AMPD3: variants seen among roughly 807,000 people sequenced by gnomAD.
AMPD3 encodes the protein adenosine monophosphate deaminase 3.
AMPD3 carries 57 observed loss-of-function variants against 82.3 expected under a neutral mutation model. The observed-to-expected ratio is 0.69, with a 90% CI of 0.56 to 0.86. AMPD3 has a LOEUF of 0.86. Ranked by LOEUF, AMPD3 falls within the 40% of genes least tolerant of loss-of-function variation. The pLI, the probability that AMPD3 is intolerant of heterozygous loss-of-function variation, is 0.00. For synonymous variants in AMPD3, 381 were observed against 394.7 expected, an observed-to-expected ratio of 0.97 and a Z score of 0.41; for missense variants, 870 against 1,003.8, an observed-to-expected ratio of 0.87 and a Z score of 1.80.
chr11:10,474,219 G>T (rs1848675251), intron 2 of AMPD3, among the ~76,000 whole-genome samples: 1 of 152,192 alleles, frequency 6.6e-6, no homozygotes, highest in African/African-American at 2.4e-5. Flanking sequence ...TCTACACCCA[G>T]GGCCTGGCAC....
At chr11:10,466,954 GGAAATCTAACAAACA>G (rs1184985000) in intron 2 of AMPD3, among the ~76,000 whole-genome samples, 3 of 152,188 alleles carry the variant, frequency 2.0e-5, no homozygotes, top group Non-Finnish European at 2.9e-5. Flanking sequence ...ATTGTTAGGA[GGAAATCTAACAAACA>G]GAAAGGAATA....
Position 10,505,959 on chromosome 11 carries a change from CG to C in AMPD3, c.*76del. ...CTGTGGCTAATAGTGGTCAAGATTCCGAACTAGGACTTTCCTCTGTGAAGAG... is the reference window on the plus strand; with the variant it reads ...CTGTGGCTAATAGTGGTCAAGATTCCAACTAGGACTTTCCTCTGTGAAGAG... On this transcript the variant is annotated 3_prime_UTR_variant, in exon 15 of 15. Transcript: ENST00000396553. The C allele has an allele frequency of 1.0e-5, 16 of 1,551,436 alleles. No homozygotes were observed. Among genetic ancestry groups the C allele is most frequent in the Non-Finnish European group, 1.3e-5 (15 of 1,128,644 alleles).
chr11:10,477,307 A>G (rs1256063537), intron 2 of AMPD3, among the ~76,000 whole-genome samples: 5 of 152,148 alleles, frequency 3.3e-5, no homozygotes, highest in African/African-American at 1.2e-4. Flanking sequence ...TCAGGAAGCT[A>G]CTGGGCCCAT....
chr11:10,463,673 C>T (rs1240460341), intron 2 of AMPD3, among the ~76,000 whole-genome samples: 4 of 152,208 alleles, frequency 2.6e-5, no homozygotes, highest in Non-Finnish European at 4.4e-5. Flanking sequence ...TCTGCTGAAG[C>T]GACTGTGCTC....
intron 3 of AMPD3, chr11:10,481,461 G>T: frequency 1.0e-6 from 1 of 985,394 alleles, no homozygotes; most frequent in Non-Finnish European, 1.2e-6. Flanking sequence ...TGGGTGTGCA[G>T]GCTGGAGCAC....
At chr11:10,478,118 T>G in intron 2 of AMPD3, 1 of 985,378 alleles carries the variant, frequency 1.0e-6, no homozygotes, top group South Asian at 4.7e-5. Context: ...GACTGAGAGT[T>G]TGTGTTATCT....
intron 2 of AMPD3, among the ~76,000 whole-genome samples, chr11:10,469,130 A>G (rs1028362890): frequency 6.6e-6 from 1 of 152,216 alleles, no homozygotes. Flanking sequence ...GAAGACAAGA[A>G]ATAACTAAGA....
At chr11:10,474,202 C>A (rs985744777) in intron 2 of AMPD3, among the ~76,000 whole-genome samples, 21 of 152,174 alleles carry the variant, frequency 1.4e-4, no homozygotes, top group African/African-American at 4.8e-4. Flanking sequence ...TATATCTTAT[C>A]TACTCCTCTA....
At chr11:10,450,902 C>A, upstream of AMPD3, 1 of 1,238,674 alleles carries the variant, frequency 8.1e-7, no homozygotes, top group Non-Finnish European at 1.0e-6. Context: ...GCGCCTGCTG[C>A]GGGGCGCGGC....
intron 11 of AMPD3, chr11:10,500,931 G>C: frequency 3.0e-6 from 3 of 985,360 alleles, no homozygotes; most frequent in Non-Finnish European, 3.6e-6. Context: ...AGCCTAAACT[G>C]GTGCTAGTTG....
At chr11:10,501,932 C>T (rs1849592317) in intron 12 of AMPD3, 1 of 985,060 alleles carries the variant, frequency 1.0e-6, no homozygotes, top group East Asian at 1.1e-4. Flanking sequence ...CCTGCCTCGT[C>T]CCTTACTGTT....
chr11:10,456,304 C>A lies in AMPD3; in HGVS notation c.-6+856C>A. 1.9e-6 allele frequency: 3 copies of A among 1,603,852 alleles called. No individual in the cohort carries two copies. Among genetic ancestry groups the A allele is most frequent in the East Asian group, 4.5e-5 (2 of 44,644 alleles). On this transcript the variant is annotated intron_variant, in intron 1 of 14. Transcript: ENST00000396553. The surrounding 1 kb of genome is among the most constrained non-coding windows in gnomAD (Gnocchi z 4.3). ...GACAGGACCCAGCCAGCTGCACGCACGCACTGACTCAGCTGAGCCTCCTGG... is the reference window on the plus strand; with the variant it reads ...GACAGGACCCAGCCAGCTGCACGCAAGCACTGACTCAGCTGAGCCTCCTGG...
At chr11:10,468,093 G>A (rs193293225) in intron 2 of AMPD3, among the ~76,000 whole-genome samples, 3 of 152,280 alleles carry the variant, frequency 2.0e-5, no homozygotes, top group East Asian at 1.9e-4. Flanking sequence ...TCAACACTTC[G>A]AAGAAACTGC....
intron 13 of AMPD3, chr11:10,504,073 A>ATTT: frequency 1.2e-6 from 1 of 837,302 alleles, no homozygotes; most frequent in Non-Finnish European, 1.4e-6. Context: ...ATCACTTCTC[A>ATTT]TTTTTTTTTT....
At chr11:10,451,625 C>G (rs1591430698), upstream of AMPD3, among the ~76,000 whole-genome samples, 1 of 152,158 alleles carries the variant, frequency 6.6e-6, no homozygotes, top group South Asian at 2.1e-4. Flanking sequence ...TTTTGAGAGG[C>G]CTTGGAGTAG....
At chr11:10,505,280 G>T (rs1591490510) in intron 14 of AMPD3, 1 of 590,314 alleles carries the variant, frequency 1.7e-6, no homozygotes, top group South Asian at 6.5e-5. Context: ...CTCGTCGGAT[G>T]ATGATGCAGC....
At chr11:10,484,383 C>T in intron 4 of AMPD3, 6 of 985,400 alleles carry the variant, frequency 6.1e-6, no homozygotes, top group Non-Finnish European at 7.2e-6. Flanking sequence ...GTTATTCCCA[C>T]TGGGCAGTCC....
chr11:10,500,685 A>G (rs1266489510), intron 11 of AMPD3: 22 of 985,304 alleles, frequency 2.2e-5, no homozygotes, highest in African/African-American at 3.5e-5. Flanking sequence ...CGTTCAGCAA[A>G]TCACTGCATC....
chr11:10,494,354 A>G (rs1415009469), intron 7 of AMPD3: 1 of 159,934 alleles, frequency 6.3e-6, no homozygotes, highest in Non-Finnish European at 1.3e-5. Flanking sequence ...GTTAGTGTTT[A>G]GTGGGTATAG....
Sources: allele counts gnomAD v4.1 joint callset (sites outside exome capture counted in the v4.1 genomes callset), GRCh38; gene constraint gnomAD v4.1.1; non-coding constraint Gnocchi (gnomAD v3.1); transcripts MANE v1.5; gene names NCBI Gene and HGNC (gene_info 2026-07-23, HGNC 2026-07-21).